CREB1: variants seen among roughly 807,000 people sequenced by gnomAD.
CREB1 encodes cyclic AMP-responsive element-binding protein 1.
CREB1 carries 2 observed loss-of-function variants against 42.0 expected under a neutral mutation model. That is an observed-to-expected ratio of 0.05 (90% CI 0.02 to 0.15). The LOEUF (loss-of-function observed/expected upper bound fraction) is 0.15, where lower values mean the gene tolerates loss of function less well. Ranked by LOEUF, CREB1 falls within the 10% of genes least tolerant of loss-of-function variation. The pLI, the probability that CREB1 is intolerant of heterozygous loss-of-function variation, is 1.00. For synonymous variants in CREB1, 123 were observed against 139.9 expected (o/e 0.88, Z 0.85); for missense variants, 199 against 388.9 (o/e 0.51, Z 4.11).
At chr2:207,565,412 T>C (rs1166897748) in intron 3 of CREB1, among the ~76,000 whole-genome samples, 1 of 152,104 alleles carries the variant, frequency 6.6e-6, no homozygotes, top group Non-Finnish European at 1.5e-5. Flanking sequence ...ATTTACAAAG[T>C]TGCAAGCACT....
At chr2:207,534,625 A>G (rs2080792509) in intron 1 of CREB1, 1 of 152,250 alleles carries the variant, frequency 6.6e-6, no homozygotes, top group Non-Finnish European at 1.5e-5. Context: ...CACAGTGACT[A>G]AGGCAAAATA....
In CREB1 at chr2:207,530,543, C is replaced by T. The variant is rs1018604612; in HGVS notation, c.-9+409C>T. Among the ~76,000 whole-genome samples the T allele has an allele frequency of 8.3e-3, 1,211 of 145,796 alleles. 18 individuals are homozygous for T. The highest frequency in any genetic ancestry group is 0.028 in the African/African-American group (1,152 of 40,818). On this transcript the variant is annotated intron_variant, in intron 1 of 7. Coordinates refer to ENST00000353267, the MANE Select transcript of CREB1 (RefSeq NM_004379.5). ...CGGAGCCGCCCCGGGGGAGGCCGCC[C>T]GCTCGGCCCGGCGCTGCCCCCCGCG...
At chr2:207,554,979 G>A (rs2081656142) in intron 1 of CREB1, among the ~76,000 whole-genome samples, 1 of 152,124 alleles carries the variant, frequency 6.6e-6, no homozygotes, top group African/African-American at 2.4e-5. Flanking sequence ...TGAGGCGGGA[G>A]GATCACTTGA....
rs540361704 is a variant in CREB1, at chr2:207,580,136, A to G, written c.839+2481A>G. On this transcript the variant is annotated intron_variant, in intron 7 of 7. Transcript: ENST00000353267. ...TGAGGTAGAAGCTTATCCCCACTTT[A>G]GAGGAGGAGAAGGTAAATATCAGAA... Among the ~76,000 whole-genome samples the G allele has an allele frequency of 3.5e-4, 53 of 152,272 alleles. No individual in the cohort carries two copies. In the South Asian group the frequency reaches 0.011, roughly 30 times the overall value.
rs775337117 is a variant in CREB1, at chr2:207,555,682, C to T, written c.47C>T (p.Ala16Val). The change falls in exon 2 of 8, where the codon GCT (alanine) becomes GTT (valine). Residue 16 changes from alanine (A) to valine (V), a missense_variant. Transcript: ENST00000353267. ...GAGAACCAGCAGAGTGGAGATGCAG[C>T]TGTAACAGAAGCTGAAAACCAACAA... ...GAENQQSGDA[A>V]VTEAENQQMT... 6.2e-7 allele frequency: 1 copy of T among 1,613,614 alleles called. No homozygotes were observed. Among genetic ancestry groups the T allele is most frequent in the Middle Eastern group, 1.6e-4 (1 of 6,062 alleles).
In CREB1 at chr2:207,601,625, ATTAAT is replaced by A. The variant is rs1368544923; in HGVS notation, c.*4570_*4574del. The A allele has an allele frequency of 1.4e-5, 3 of 209,644 alleles. No homozygotes were observed. Among genetic ancestry groups the A allele is most frequent in the African/African-American group, 6.8e-5 (3 of 44,072 alleles). The allele number at this position is 209,644 out of a possible 1,614,324, so 13.0% of individuals were successfully genotyped here. A position where few individuals can be genotyped will look rare whatever the true frequency, so the allele number is the denominator to read the frequency against. On this transcript the variant is annotated 3_prime_UTR_variant, in exon 8 of 8. Transcript: ENST00000353267. ...CTGTACATAGTATGCCAAAATATCC[ATTAAT>A]TTGTCTAGAATAGTACAAGACTTTT... is the stretch of plus-strand genomic sequence containing the variant.
In CREB1 at chr2:207,560,243, T is replaced by C. The variant is rs758954841; in HGVS notation, c.132T>C (p.Ala44=). Residue 44 remains alanine (A), a synonymous_variant, in exon 3 of 8, where the codon GCT becomes GCC. Coordinates refer to ENST00000353267, the MANE Select transcript of CREB1 (RefSeq NM_004379.5). The part of the protein sequence containing the change: ...ATLAQVSMPA[A]HATSSAPTVT... ...CACCATAGGTATCTATGCCAGCAGCTCATGCAACATCATCTGCTCCCACCG... is the reference window on the plus strand; with the variant it reads ...CACCATAGGTATCTATGCCAGCAGCCCATGCAACATCATCTGCTCCCACCG... 1.2e-6 allele frequency: 2 copies of C among 1,611,052 alleles called. No individual in the cohort carries two copies. Among genetic ancestry groups the C allele is most frequent in the Non-Finnish European group, 1.7e-6 (2 of 1,177,782 alleles).
chr2:207,576,550 TTC>T, intron 6 of CREB1: 1 of 481,770 alleles, frequency 2.1e-6, no homozygotes, highest in South Asian at 1.9e-5. Context: ...ACAGAATATA[TTC>T]TGTTATTAAA....
chr2:207,577,720 G>A (rs2082649244), intron 7 of CREB1, 65 bp downstream of exon 7: 5 of 1,566,622 alleles, frequency 3.2e-6, no homozygotes, highest in Non-Finnish European at 4.4e-6. Context: ...TGCTGGATGT[G>A]TATCTTTACA....
At chr2:207,576,086 C>T (rs998713468) in intron 6 of CREB1, among the ~76,000 whole-genome samples, 55 of 151,576 alleles carry the variant, frequency 3.6e-4, no homozygotes, top group Non-Finnish European at 4.3e-4. Flanking sequence ...CTCAGGCTCC[C>T]AAAGTGTTGG....
intron 1 of CREB1, among the ~76,000 whole-genome samples, chr2:207,534,897 G>A (rs1390066420): frequency 6.6e-6 from 1 of 152,048 alleles, no homozygotes; most frequent in African/African-American, 2.4e-5. Context: ...TGTACAAATG[G>A]TAGCATACTA....
intron 7 of CREB1, among the ~76,000 whole-genome samples, chr2:207,584,208 A>G (rs1305406949): frequency 3.3e-5 from 5 of 152,228 alleles, no homozygotes; most frequent in Non-Finnish European, 1.5e-5. Flanking sequence ...CTAACTGTAT[A>G]TTTAACTTTT....
At chr2:207,596,509 C>T (rs905277557) in intron 7 of CREB1, among the ~76,000 whole-genome samples, 1 of 151,400 alleles carries the variant, frequency 6.6e-6, no homozygotes, top group African/African-American at 2.4e-5. Flanking sequence ...TCTCAGCTTA[C>T]TGCAGCCTCT....
chr2:207,555,116 C>T (rs2081662845), intron 1 of CREB1, among the ~76,000 whole-genome samples: 1 of 151,848 alleles, frequency 6.6e-6, no homozygotes, highest in East Asian at 1.9e-4. Context: ...TTTTGTCCTA[C>T]CACTAGTAAT....
intron 7 of CREB1, among the ~76,000 whole-genome samples, chr2:207,596,167 C>T (rs998054398): frequency 6.6e-6 from 1 of 152,180 alleles, no homozygotes; most frequent in Non-Finnish European, 1.5e-5. Flanking sequence ...TGCGGCCCAA[C>T]CTCACTCTTT....
intron 1 of CREB1, among the ~76,000 whole-genome samples, chr2:207,539,110 G>A (rs1469321917): frequency 1.4e-5 from 2 of 147,528 alleles, no homozygotes; most frequent in Admixed American, 6.8e-5. Flanking sequence ...GTGTGATCTC[G>A]GCTCACTGCA....
chr2:207,573,591 A>C (rs2082457782), intron 5 of CREB1, among the ~76,000 whole-genome samples: 2 of 152,074 alleles, frequency 1.3e-5, no homozygotes, highest in South Asian at 4.1e-4. Flanking sequence ...GTCTTTAGAA[A>C]ATTAGTAGGG....
intron 7 of CREB1, among the ~76,000 whole-genome samples, chr2:207,591,802 TG>T (rs1222614109): frequency 6.6e-6 from 1 of 152,178 alleles, no homozygotes; most frequent in Non-Finnish European, 1.5e-5. Context: ...ATATTTGAAG[TG>T]GGATTCTTGT....
At chr2:207,567,346 T>C in intron 3 of CREB1, 117 bp from the exon 4 acceptor site, 1 of 626,654 alleles carries the variant, frequency 1.6e-6, no homozygotes, top group Non-Finnish European at 2.7e-6. Context: ...CCATAAGAAC[T>C]GATTTTTTTC....
Sources: allele counts gnomAD v4.1 joint callset (sites outside exome capture counted in the v4.1 genomes callset), GRCh38; gene constraint gnomAD v4.1.1; transcripts MANE v1.5; gene names NCBI Gene and HGNC (gene_info 2026-07-23, HGNC 2026-07-21).